PIGK: variants seen among roughly 807,000 people sequenced by gnomAD.
PIGK encodes the protein phosphatidylinositol glycan anchor biosynthesis class K.
A neutral mutation model predicts 50.6 loss-of-function variants in PIGK; 42 were observed. That is an observed-to-expected ratio of 0.83 (90% CI 0.65 to 1.07). The LOEUF is 1.07. Ranked by LOEUF, PIGK falls within the 50% of genes least tolerant of loss-of-function variation. The pLI, the probability that PIGK is intolerant of heterozygous loss-of-function variation, is 0.00. For missense variants in PIGK, 448 were observed against 488.7 expected (o/e 0.92, Z 0.78); for synonymous variants, 151 against 156.0 (o/e 0.97, Z 0.24).
At chr1:77,160,684 A>G (rs1450171056) in intron 8 of PIGK, among the ~76,000 whole-genome samples, 1 of 152,256 alleles carries the variant, frequency 6.6e-6, no homozygotes, top group African/African-American at 2.4e-5. Flanking sequence ...GCTTTTTGTT[A>G]TGCCTACTTT....
intron 3 of PIGK, among the ~76,000 whole-genome samples, chr1:77,169,717 T>C (rs1327357813): frequency 6.6e-6 from 1 of 152,192 alleles, no homozygotes; most frequent in Non-Finnish European, 1.5e-5. Context: ...CAAGTTACAA[T>C]GTTTTTCTGA....
At chr1:77,108,862 C>G (rs1260709857) in intron 10 of PIGK, among the ~76,000 whole-genome samples, 1 of 152,158 alleles carries the variant, frequency 6.6e-6, no homozygotes, top group Non-Finnish European at 1.5e-5. Flanking sequence ...CACTGATACC[C>G]TTTCTTCAAG....
At chr1:77,105,032 C>T (rs1413288946) in intron 10 of PIGK, among the ~76,000 whole-genome samples, 1 of 152,072 alleles carries the variant, frequency 6.6e-6, no homozygotes, top group Non-Finnish European at 1.5e-5. Flanking sequence ...CTTGGTGGGT[C>T]CTGAGCTCTT....
intron 3 of PIGK, among the ~76,000 whole-genome samples, chr1:77,189,737 A>G: frequency 1.6e-5 from 1 of 62,054 alleles, no homozygotes; most frequent in Admixed American, 1.6e-4. Flanking sequence ...ATATATATAT[A>G]TATATATATA....
At chr1:77,176,776 T>C (rs1447683415) in intron 3 of PIGK, among the ~76,000 whole-genome samples, 1 of 152,158 alleles carries the variant, frequency 6.6e-6, no homozygotes, top group Non-Finnish European at 1.5e-5. Flanking sequence ...GCATTCAAGA[T>C]GACATAAGTC....
intron 3 of PIGK, among the ~76,000 whole-genome samples, chr1:77,177,488 T>C (rs951325350): frequency 6.6e-6 from 1 of 152,238 alleles, no homozygotes; most frequent in African/African-American, 2.4e-5. Flanking sequence ...CCAAAGCCCA[T>C]CCCTTTACTT....
At chr1:77,130,338 A>G (rs573986235) in intron 9 of PIGK, among the ~76,000 whole-genome samples, 91 of 142,078 alleles carry the variant, frequency 6.4e-4, no homozygotes, top group African/African-American at 2.3e-3. Flanking sequence ...ACATTCTGCA[A>G]TAATTCTGAT....
At chr1:77,154,364 C>A in intron 9 of PIGK, 85 bp downstream of exon 9, 1 of 972,836 alleles carries the variant, frequency 1.0e-6, no homozygotes, top group Non-Finnish European at 1.6e-6. Context: ...CAAACACCAA[C>A]TTTTGCCTCT....
chr1:77,101,661 T>TC (rs1250177221), intron 10 of PIGK, among the ~76,000 whole-genome samples: 1 of 152,190 alleles, frequency 6.6e-6, no homozygotes, highest in African/African-American at 2.4e-5. Flanking sequence ...ATTATAGTGA[T>TC]CAACTGTATA....
At chr1:77,123,633 GGAGGGGACACT>G (rs1188240618) in intron 9 of PIGK, among the ~76,000 whole-genome samples, 3 of 152,104 alleles carry the variant, frequency 2.0e-5, no homozygotes, top group African/African-American at 7.2e-5. Flanking sequence ...GGAGCTGGGA[GGAGGGGACACT>G]GGGGAGTAAT....
intron 10 of PIGK, among the ~76,000 whole-genome samples, chr1:77,095,845 C>T (rs1653394375): frequency 6.6e-6 from 1 of 151,980 alleles, no homozygotes; most frequent in Non-Finnish European, 1.5e-5. Context: ...TCCTCAGATA[C>T]AGATTTGAGA....
At chr1:77,168,916 C>A (rs956046960) in intron 4 of PIGK, among the ~76,000 whole-genome samples, 5 of 151,776 alleles carry the variant, frequency 3.3e-5, no homozygotes, top group African/African-American at 1.2e-4. Flanking sequence ...AATACAATTA[C>A]TAAAACTAAT....
chr1:77,165,759 C>A (rs1655220309), intron 5 of PIGK, among the ~76,000 whole-genome samples: 1 of 152,026 alleles, frequency 6.6e-6, no homozygotes, highest in Non-Finnish European at 1.5e-5. Context: ...AAAGTCCAGA[C>A]CAGCCAAGGA....
At chr1:77,189,758 C>T (rs912023130) in intron 3 of PIGK, among the ~76,000 whole-genome samples, 1 of 89,002 alleles carries the variant, frequency 1.1e-5, no homozygotes, top group African/African-American at 5.7e-5. Context: ...TACACACACA[C>T]ACACACACAC....
chr1:77,136,816 T>C lies in PIGK; in HGVS notation c.987-14457A>G, dbSNP rs1173501456. ...TAGACATAGCTAACAGTTTCCAATA[T>C]TATCTTCATGTCTCATAACCTGTCC... On this transcript the variant is annotated intron_variant, in intron 9 of 10. Transcript: ENST00000370812. Among the ~76,000 whole-genome samples the C allele has an allele frequency of 3.3e-5, 5 of 152,202 alleles. No individual in the cohort carries two copies. In the East Asian group the frequency reaches 7.7e-4, roughly 23 times the overall value.
chr1:77,212,784 A>G (rs1042774103), intron 1 of PIGK, among the ~76,000 whole-genome samples: 2 of 152,196 alleles, frequency 1.3e-5, no homozygotes, highest in Non-Finnish European at 2.9e-5. Context: ...TGCACCCAAC[A>G]CTGGAGCACC....
intron 1 of PIGK, among the ~76,000 whole-genome samples, chr1:77,218,048 T>C (rs1656621541): frequency 6.6e-6 from 1 of 152,200 alleles, no homozygotes; most frequent in Non-Finnish European, 1.5e-5. Flanking sequence ...TTCATAAATA[T>C]ATATGAAGTT....
chr1:77,189,726 TATATATATATATATATATATATAC>T (rs1272490111), intron 3 of PIGK, among the ~76,000 whole-genome samples: 299 of 64,220 alleles, frequency 4.7e-3, no homozygotes, highest in East Asian at 0.025. Context: ...TATATATATA[TATATATATATATATATATATATAC>T]ACACACACAC....
chr1:77,186,923 A>AG (rs1489978275), intron 3 of PIGK, among the ~76,000 whole-genome samples: 7 of 152,182 alleles, frequency 4.6e-5, no homozygotes, highest in African/African-American at 1.7e-4. Flanking sequence ...CATCACGAAA[A>AG]GGGCAGTGGT....
Sources: allele counts gnomAD v4.1 joint callset (sites outside exome capture counted in the v4.1 genomes callset), GRCh38; gene constraint gnomAD v4.1.1; transcripts MANE v1.5; gene names NCBI Gene and HGNC (gene_info 2026-07-23, HGNC 2026-07-21).